Variants in ZC2HC1A observed in about 807,000 individuals in gnomAD.
ZC2HC1A encodes the protein zinc finger C2HC domain-containing protein 1A.
In ZC2HC1A, 28 loss-of-function variants were observed where a neutral mutation model predicts 40.7. The observed-to-expected ratio is 0.69, with a 90% CI of 0.51 to 0.94. The LOEUF is 0.94. ZC2HC1A is among the 40% of genes least tolerant of loss of function. The probability of loss-of-function intolerance (pLI) is 0.00; values close to 1 mark genes in which losing one functional copy is unlikely to be tolerated. For synonymous variants in ZC2HC1A, 129 were observed against 129.2 expected (o/e 1.00, Z 0.01); for missense variants, 389 against 386.3 (o/e 1.01, Z -0.06).
intron 1 of ZC2HC1A, among the ~76,000 whole-genome samples, chr8:78,674,558 G>T (rs1809520345): frequency 6.6e-6 from 1 of 152,098 alleles, no homozygotes; most frequent in Admixed American, 6.6e-5. Context: ...CCTGGTGTTG[G>T]AGAAGGACAA....
intron 3 of ZC2HC1A, chr8:78,679,324 G>C (rs372369609): frequency 6.6e-6 from 1 of 151,992 alleles, no homozygotes; most frequent in African/African-American, 2.4e-5. Flanking sequence ...CCAGGGACTC[G>C]CCTCTGATAT....
chr8:78,696,569 C>T (rs1586010403), intron 5 of ZC2HC1A, among the ~76,000 whole-genome samples: 1 of 151,534 alleles, frequency 6.6e-6, no homozygotes, highest in South Asian at 2.1e-4. Flanking sequence ...AAATTTGGCT[C>T]AAAAAGAGAA....
At position 78,689,229 on chromosome 8, in the gene ZC2HC1A, T is replaced by A; in HGVS notation, c.360T>A (p.Ile120=). ...CGTTTTTATCTGTTATAGATTATAT[T>A]CAATGTCCATATTGTCAGAGGAGAT... ...PPPPSYDPDY[I]QCPYCQRRFN... is the part of the protein sequence containing the mutation. Residue 120 remains isoleucine (I), a synonymous_variant, in exon 5 of 9, where the codon ATT becomes ATA. Coordinates refer to ENST00000263849, the MANE Select transcript of ZC2HC1A (RefSeq NM_016010.3). 2 of 1,566,964 alleles carry A rather than the reference T, an allele frequency of 1.3e-6. No individual in the cohort carries two copies. Among genetic ancestry groups the A allele is most frequent in the Non-Finnish European group, 1.7e-6 (2 of 1,158,888 alleles).
At chr8:78,684,804 AGATAC>A (rs1456536154) in intron 3 of ZC2HC1A, among the ~76,000 whole-genome samples, 1 of 152,218 alleles carries the variant, frequency 6.6e-6, no homozygotes, top group Non-Finnish European at 1.5e-5. Flanking sequence ...TTTATAATAA[AGATAC>A]AAGACTTCCA....
chr8:78,695,019 ATGT>A (rs1436842078), intron 5 of ZC2HC1A, among the ~76,000 whole-genome samples: 1 of 152,110 alleles, frequency 6.6e-6, no homozygotes, highest in Non-Finnish European at 1.5e-5. Flanking sequence ...TTTCAGCTTG[ATGT>A]TGTAGAATAG....
intron 3 of ZC2HC1A, 136 bp downstream of exon 3, chr8:78,678,815 G>A (rs1809669870): frequency 2.0e-6 from 1 of 501,196 alleles, no homozygotes; most frequent in Non-Finnish European, 3.3e-6. Context: ...ATACAATTCT[G>A]TGTTATATGT....
chr8:78,697,052 C>T (rs1216162104), intron 5 of ZC2HC1A, among the ~76,000 whole-genome samples: 1 of 152,106 alleles, frequency 6.6e-6, no homozygotes, highest in African/African-American at 2.4e-5. Context: ...GTTTGGAAAA[C>T]CTTTGAGGTG....
intron 1 of ZC2HC1A, among the ~76,000 whole-genome samples, chr8:78,670,623 G>A (rs1274303836): frequency 1.3e-5 from 2 of 152,130 alleles, no homozygotes; most frequent in Admixed American, 6.5e-5. Context: ...AGACTGGGTA[G>A]GAAAGGACAT....
chr8:78,694,035 A>T (rs1159491807), intron 5 of ZC2HC1A, among the ~76,000 whole-genome samples: 3 of 152,186 alleles, frequency 2.0e-5, no homozygotes, highest in Non-Finnish European at 2.9e-5. Context: ...CAAAGATCAG[A>T]TAGTTGTAGA....
intron 1 of ZC2HC1A, among the ~76,000 whole-genome samples, chr8:78,666,437 T>C (rs1288868996): frequency 6.6e-6 from 1 of 152,238 alleles, no homozygotes; most frequent in Non-Finnish European, 1.5e-5. Flanking sequence ...TGCACGTCTC[T>C]TCCTACCATT....
chr8:78,672,147 A>G (rs1205662516), intron 1 of ZC2HC1A, among the ~76,000 whole-genome samples: 1 of 152,170 alleles, frequency 6.6e-6, no homozygotes, highest in East Asian at 1.9e-4. Flanking sequence ...GAATTTAATT[A>G]GAGCAAAATG....
At chr8:78,698,886 A>C (rs1413561107) in intron 7 of ZC2HC1A, among the ~76,000 whole-genome samples, 1 of 152,216 alleles carries the variant, frequency 6.6e-6, no homozygotes, top group Non-Finnish European at 1.5e-5. Context: ...CTTCATAATC[A>C]AGAGAAAAGA....
intron 1 of ZC2HC1A, among the ~76,000 whole-genome samples, chr8:78,673,423 A>G (rs897283672): frequency 1.3e-5 from 2 of 152,176 alleles, no homozygotes; most frequent in Non-Finnish European, 2.9e-5. Context: ...TACTTTGGGT[A>G]CATACCCGGT....
chr8:78,701,858 A>C (rs1287505161), intron 7 of ZC2HC1A, among the ~76,000 whole-genome samples: 2 of 152,204 alleles, frequency 1.3e-5, no homozygotes, highest in African/African-American at 4.8e-5. Flanking sequence ...CCTGGTGGAT[A>C]AGCTTGTTGA....
rs1206083492 is a variant in ZC2HC1A, at chr8:78,707,264, A to G, written c.705-7957A>G. ...TTTCAGTATTTCTATAGTACTGGCA[A>G]TTTTATCAGTTGGCAATATTAAATT... On this transcript the variant is annotated intron_variant, in intron 7 of 8. Transcript: ENST00000263849. Among the ~76,000 whole-genome samples, 5 of 152,196 alleles carry G rather than the reference A, an allele frequency of 3.3e-5. No homozygotes were observed. In the East Asian group the frequency reaches 5.8e-4, roughly 18 times the overall value.
intron 4 of ZC2HC1A, 83 bp from the exon 5 acceptor site, chr8:78,689,139 A>G (rs564507665): frequency 2.2e-5 from 23 of 1,039,904 alleles, no homozygotes; most frequent in Non-Finnish European, 2.5e-5. Context: ...TATTTTTTGA[A>G]TGACTGCATA....
intron 2 of ZC2HC1A, 28 bp from the exon 3 acceptor site, chr8:78,678,535 G>A (rs760969794): frequency 4.5e-6 from 7 of 1,551,194 alleles, no homozygotes; most frequent in Non-Finnish European, 6.1e-6. Flanking sequence ...AAAAGAAAAT[G>A]ATAGGCTGCA....
chr8:78,697,586 TG>T lies in ZC2HC1A; in HGVS notation c.604+82del. 7 of 995,518 alleles carry T rather than the reference TG, an allele frequency of 7.0e-6. No homozygotes were observed. The South Asian group carries it at 9.2e-5, about 13-fold the overall frequency. The allele number at this position is 995,518 out of a possible 1,614,324, so 61.7% of individuals were successfully genotyped here. ...AGGAAATAAAGATAGTGGTCTATTC[TG>T]GAATATTAAGATAGATTTATAATTA... On this transcript the variant is annotated intron_variant, in intron 6 of 8. Transcript: ENST00000263849.
intron 3 of ZC2HC1A, chr8:78,679,135 G>C (rs775140685): frequency 6.6e-6 from 1 of 152,128 alleles, no homozygotes; most frequent in African/African-American, 2.4e-5. Flanking sequence ...TGACTGCCAG[G>C]ATTTGTAATC....
Sources: allele counts gnomAD v4.1 joint callset (sites outside exome capture counted in the v4.1 genomes callset), GRCh38; gene constraint gnomAD v4.1.1; transcripts MANE v1.5; gene names NCBI Gene and HGNC (gene_info 2026-07-23, HGNC 2026-07-21).